The following SUPT3H variants were observed in gnomAD, a reference collection of about 807,000 sequenced individuals.
SUPT3H encodes the protein SPT3 homolog, SAGA and STAGA complex component.
SUPT3H carries 44 observed loss-of-function variants against 44.3 expected under a neutral mutation model. The observed-to-expected ratio is 0.99, with a 90% confidence interval of 0.78 to 1.28. The LOEUF is 1.28. Among genes scored for constraint, SUPT3H ranks in the 50% most tolerant of loss-of-function variants. The pLI is 0.00. For synonymous variants in SUPT3H, 124 were observed against 125.6 expected (o/e 0.99, Z 0.09); for missense variants, 380 against 387.1 (o/e 0.98, Z 0.15).
intron 6 of SUPT3H, among the ~76,000 whole-genome samples, chr6:44,963,782 G>C (rs1201476915): frequency 1.3e-5 from 2 of 152,082 alleles, no homozygotes; most frequent in Admixed American, 1.3e-4. Flanking sequence ...GGTGGATCAT[G>C]AGGTCAGGAG....
chr6:44,887,272 T>A (rs1024287239), intron 10 of SUPT3H, among the ~76,000 whole-genome samples: 13 of 152,140 alleles, frequency 8.5e-5, no homozygotes, highest in South Asian at 2.1e-4. Context: ...GCTGACCTAA[T>A]AGACATCTAC....
chr6:44,986,560 C>T (rs1011006037), intron 6 of SUPT3H, among the ~76,000 whole-genome samples: 8 of 152,186 alleles, frequency 5.3e-5, no homozygotes, highest in African/African-American at 1.9e-4. Context: ...CTTTACAATA[C>T]TTTGAGTTGA....
At chr6:44,884,664 T>A (rs1196799128) in intron 10 of SUPT3H, among the ~76,000 whole-genome samples, 1 of 152,132 alleles carries the variant, frequency 6.6e-6, no homozygotes, top group Non-Finnish European at 1.5e-5. Flanking sequence ...ACAGCTCCGG[T>A]CTACAGCTCC....
At chr6:45,347,957 TCAAA>T (rs1250812309) in intron 2 of SUPT3H, among the ~76,000 whole-genome samples, 1 of 152,112 alleles carries the variant, frequency 6.6e-6, no homozygotes, top group Non-Finnish European at 1.5e-5. Context: ...TTCCAAAATC[TCAAA>T]CAAATGCATT....
intron 2 of SUPT3H, among the ~76,000 whole-genome samples, chr6:45,160,452 A>C (rs1265346151): frequency 6.6e-6 from 1 of 151,954 alleles, no homozygotes; most frequent in Non-Finnish European, 1.5e-5. Flanking sequence ...TCAAGATATA[A>C]AGAGATTTTC....
At chr6:45,107,706 G>A (rs943029657) in intron 2 of SUPT3H, among the ~76,000 whole-genome samples, 1 of 152,036 alleles carries the variant, frequency 6.6e-6, no homozygotes, top group South Asian at 2.1e-4. Context: ...ATAACTGAAA[G>A]AATTCCCATG....
chr6:45,330,496 A>G (rs192629755), intron 2 of SUPT3H, among the ~76,000 whole-genome samples: 47 of 152,098 alleles, frequency 3.1e-4, no homozygotes, highest in African/African-American at 1.1e-3. Context: ...TATTTATTTT[A>G]AACACATTTT....
intron 2 of SUPT3H, among the ~76,000 whole-genome samples, chr6:45,333,760 A>G (rs755668235): frequency 7.3e-5 from 11 of 151,406 alleles, no homozygotes; most frequent in Non-Finnish European, 1.3e-4. Flanking sequence ...TAATACATGA[A>G]GAGAAAAAAA....
chr6:44,826,934 CAG>C lies in SUPT3H; in HGVS notation c.*2880_*2881del, dbSNP rs1297325738. 1.3e-5 allele frequency among the ~76,000 whole-genome samples: 2 copies of C among 152,092 alleles called. No homozygotes were observed. Among genetic ancestry groups the C allele is most frequent in the African/African-American group, 4.8e-5 (2 of 41,428 alleles). On this transcript the variant is annotated 3_prime_UTR_variant, in exon 11 of 11. Coordinates refer to ENST00000371459, the MANE Select transcript of SUPT3H (RefSeq NM_003599.4). ...AAAAGTCTTGGTTTTAAAATTGAAACAGTATTTTTGAATCACAACGATTACAA... is the reference window on the plus strand; with the variant it reads ...AAAAGTCTTGGTTTTAAAATTGAAACTATTTTTGAATCACAACGATTACAA...
chr6:45,322,193 T>C (rs1049168184), intron 2 of SUPT3H, among the ~76,000 whole-genome samples: 2 of 151,904 alleles, frequency 1.3e-5, no homozygotes, highest in Admixed American at 6.6e-5. Context: ...ATTTTATAGT[T>C]CATTAAGCTG....
At chr6:44,857,712 C>G (rs1275398648) in intron 10 of SUPT3H, among the ~76,000 whole-genome samples, 18 of 152,138 alleles carry the variant, frequency 1.2e-4, no homozygotes, top group Admixed American at 1.2e-3. Context: ...AGAATAGCCA[C>G]TTCTGTACAG....
chr6:45,048,581 A>G (rs1410802849), intron 3 of SUPT3H, among the ~76,000 whole-genome samples: 1 of 152,168 alleles, frequency 6.6e-6, no homozygotes, highest in Non-Finnish European at 1.5e-5. Context: ...TATGTTTAAG[A>G]GGTAGCATTA....
chr6:45,059,262 G>A (rs1445687033), intron 3 of SUPT3H, among the ~76,000 whole-genome samples: 1 of 152,020 alleles, frequency 6.6e-6, no homozygotes, highest in Non-Finnish European at 1.5e-5. Flanking sequence ...CTTCATCCTT[G>A]GGATGCAAGG....
At chr6:45,229,750 G>A (rs1370709910) in intron 2 of SUPT3H, among the ~76,000 whole-genome samples, 2 of 151,962 alleles carry the variant, frequency 1.3e-5, no homozygotes, top group Non-Finnish European at 2.9e-5. Flanking sequence ...GATAATGTTT[G>A]TTACATGCAA....
At chr6:44,993,012 A>T (rs1780798066) in intron 6 of SUPT3H, among the ~76,000 whole-genome samples, 1 of 151,870 alleles carries the variant, frequency 6.6e-6, no homozygotes, top group African/African-American at 2.4e-5. Context: ...AAAATATGAA[A>T]ATTTGGTGGG....
rs368403566 is a variant in SUPT3H at position 45,145,258 on chromosome 6, C to T, written c.102-39252G>A. Among the ~76,000 whole-genome samples, 54 of 152,208 alleles carry T rather than the reference C, an allele frequency of 3.5e-4. 1 individual carries two copies. In the South Asian group the frequency reaches 0.011, roughly 30 times the overall value. On this transcript the variant is annotated intron_variant, in intron 2 of 10. Transcript: ENST00000371459. Reference sequence around the variant, plus strand: ...AATCTAGAGGCATCATATTACCTGACTTCAAATTATACTACAAAGCTATAG... The same window carrying T: ...AATCTAGAGGCATCATATTACCTGATTTCAAATTATACTACAAAGCTATAG...
intron 3 of SUPT3H, among the ~76,000 whole-genome samples, chr6:45,031,237 T>C (rs1425527095): frequency 6.6e-6 from 1 of 152,200 alleles, no homozygotes; most frequent in African/African-American, 2.4e-5. Flanking sequence ...AAGGTTATTA[T>C]CAAATTATTA....
chr6:45,054,764 T>C (rs960446290), intron 3 of SUPT3H, among the ~76,000 whole-genome samples: 1 of 152,094 alleles, frequency 6.6e-6, no homozygotes, highest in African/African-American at 2.4e-5. Context: ...ACTTATCAAT[T>C]GTAGACCACG....
intron 10 of SUPT3H, among the ~76,000 whole-genome samples, chr6:44,882,610 G>A (rs1778426880): frequency 6.6e-6 from 1 of 152,148 alleles, no homozygotes; most frequent in Non-Finnish European, 1.5e-5. Flanking sequence ...CAATATCCCT[G>A]ATGAACATCA....
Sources: allele counts gnomAD v4.1 joint callset (sites outside exome capture counted in the v4.1 genomes callset), GRCh38; gene constraint gnomAD v4.1.1; transcripts MANE v1.5; gene names NCBI Gene and HGNC (gene_info 2026-07-23, HGNC 2026-07-21).